Variants in MUC5AC observed in about 807,000 individuals in gnomAD.
The protein encoded by MUC5AC is mucin-5AC.
A neutral mutation model predicts 169.7 loss-of-function variants in MUC5AC; 158 were observed. That is an observed-to-expected ratio of 0.93 (90% confidence interval 0.82 to 1.06). The LOEUF (loss-of-function observed/expected upper bound fraction) is 1.06, where lower values mean the gene tolerates loss of function less well. Among genes scored for constraint, MUC5AC ranks in the 50% least tolerant of loss-of-function variants. The pLI, the probability that MUC5AC is intolerant of heterozygous loss-of-function variation, is 0.00. For missense variants in MUC5AC, 4,359 were observed against 3,089.9 expected, an observed-to-expected ratio of 1.41 and a Z score of -9.74; for synonymous variants, 1,975 against 1,237.0, an observed-to-expected ratio of 1.60 and a Z score of -12.52.
At chr11:1,162,318 G>A in intron 4 of MUC5AC, 150 bp downstream of exon 4, 3 of 1,322,688 alleles carry the variant, frequency 2.3e-6, no homozygotes, top group South Asian at 1.5e-5. Context: ...CTCGTCCCCC[G>A]AGTGGCCCAC....
intron 5 of MUC5AC, 56 bp downstream of exon 5, chr11:1,162,702 G>C: frequency 1.3e-6 from 2 of 1,504,104 alleles, no homozygotes; most frequent in Non-Finnish European, 1.8e-6. Flanking sequence ...GGGCCGGCCT[G>C]CTCCCACAGC....
Position 1,200,797 on chromosome 11 carries a change from G to A in MUC5AC, c.*95G>A, listed in dbSNP as rs1264224380. On this transcript the variant is annotated 3_prime_UTR_variant, in exon 49 of 49. Transcript: ENST00000621226. ...CAGTGGAACTTGTGCCCCTGTCCAG[G>A]CGGCTGCAGCTTTGAACACACTGTC... The A allele has an allele frequency of 1.5e-5, 10 of 660,858 alleles. 1 individual carries two copies. The South Asian group carries it at 1.7e-4, about 11-fold the overall frequency. 40.9% of individuals were successfully genotyped at this position (660,858 alleles called of 1,614,324 possible).
At chr11:1,193,949 G>A (rs1318854630) in intron 33 of MUC5AC, among the ~76,000 whole-genome samples, 161 bp from the exon 34 acceptor site, 2 of 152,218 alleles carry the variant, frequency 1.3e-5, no homozygotes, top group East Asian at 1.9e-4. Flanking sequence ...AGCTCTGTGC[G>A]GACGCTGGCC....
rs1275491912 is a variant in MUC5AC, at chr11:1,189,969, A to G, written c.11824A>G (p.Lys3942Glu). 12 of 765,022 alleles carry G rather than the reference A, an allele frequency of 1.6e-5. No homozygotes were observed. The East Asian group carries it at 1.9e-4, about 12-fold the overall frequency. 47.4% of individuals were successfully genotyped at this position (765,022 alleles called of 1,614,324 possible). ...KTSTSHVSVS[K>E]TTHSQPVTRD... Reference sequence around the variant, plus strand: ...CAGCACAAGCCATGTTTCTGTATCCAAGACAACCCACTCCCAACCAGTCAC... The same window carrying G: ...CAGCACAAGCCATGTTTCTGTATCCGAGACAACCCACTCCCAACCAGTCAC... Residue 3942 changes from lysine (K) to glutamate (E), a missense_variant, in exon 31 of 49, where the codon AAG becomes GAG. Lys to Glu is a moderately conservative substitution (Grantham distance 56, BLOSUM62 1). Transcript: ENST00000621226.
chr11:1,162,018 C>G lies in MUC5AC; in HGVS notation c.323C>G (p.Ser108Cys). ...RFPGLCNYVF[S>C]EHCGAAYEDF... ...CCCGGCCTCTGCAACTACGTGTTCTCCGAGCACTGCGGTGCCGCCTACGAG... is the reference window on the plus strand; with the variant it reads ...CCCGGCCTCTGCAACTACGTGTTCTGCGAGCACTGCGGTGCCGCCTACGAG... Residue 108 changes from serine to cysteine, a missense_variant, in exon 4 of 49, where the codon TCC (serine) becomes TGC (cysteine). Coordinates refer to ENST00000621226, the MANE Select transcript of MUC5AC (RefSeq NM_001304359.2). 1 of 1,612,584 alleles carries G rather than the reference C, an allele frequency of 6.2e-7. No individual in the cohort carries two copies. The highest frequency in any genetic ancestry group is 8.5e-7 in the Non-Finnish European group (1 of 1,179,772).
At chr11:1,199,795 C>A in intron 47 of MUC5AC, 31 bp downstream of exon 47, 1 of 727,452 alleles carries the variant, frequency 1.4e-6, no homozygotes, top group Admixed American at 1.9e-5. Context: ...GCGGGGCGGG[C>A]TCCACCCTCA....
chr11:1,158,129 C>T (rs1206645232), intron 1 of MUC5AC, 57 bp downstream of exon 1: 2 of 1,459,762 alleles, frequency 1.4e-6, no homozygotes, highest in Non-Finnish European at 9.3e-7. Flanking sequence ...ACTGAGTGGG[C>T]CTCAGGCAGC....
rs1408317125 is a variant in MUC5AC at position 1,186,728 on chromosome 11, C to T, written c.8583C>T (p.Thr2861=). The T allele has an allele frequency of 1.4e-6, 1 of 730,700 alleles. No individual in the cohort carries two copies. The highest frequency in any genetic ancestry group is 1.9e-5 in the Admixed American group (1 of 53,490). The allele number at this position is 730,700 out of a possible 1,614,324, so 45.3% of individuals were successfully genotyped here. Residue 2861 remains threonine (T), a synonymous_variant, in exon 31 of 49, where the codon ACC becomes ACT. Transcript: ENST00000621226. ...CCTCTGCCCCTACAACCAGAACAAC[C>T]TCTGTCCCTACAAGCAGCACAACCT... ...STTSAPTTRT[T]SVPTSSTTST...
chr11:1,186,414 A>G lies in MUC5AC; in HGVS notation c.8269A>G (p.Ile2757Val). Residue 2757 changes from isoleucine to valine, a missense_variant, in exon 31 of 49, where the codon ATC (isoleucine) becomes GTC (valine). By Grantham distance (29) the Ile-to-Val change is conservative. Transcript: ENST00000621226. ...AACCTCAGCCCCTACAACCAGCACA[A>G]TCTCTGCCTCTACCACCAGCACAAC... ...RRTSAPTTST[I>V]SASTTSTTSA... is the part of the protein sequence containing the mutation. 3 of 704,076 alleles carry G rather than the reference A, an allele frequency of 4.3e-6. No individual in the cohort carries two copies. In the East Asian group the frequency reaches 8.0e-5, roughly 19 times the overall value. The allele number at this position is 704,076 out of a possible 1,614,324, so 43.6% of individuals were successfully genotyped here.
At chr11:1,158,162 G>T in intron 1 of MUC5AC, 90 bp downstream of exon 1, 1 of 1,248,328 alleles carries the variant, frequency 8.0e-7, no homozygotes, top group Non-Finnish European at 1.1e-6. Context: ...CTGGGTTCCG[G>T]GCAGGCTGCA....
At position 1,192,793 on chromosome 11, in the gene MUC5AC, A is replaced by G. The variant is rs1861157782; in HGVS notation, c.14391A>G (p.Ile4797Met). Residue 4797 changes from isoleucine to methionine, a missense_variant, in exon 32 of 49, where the codon ATA becomes ATG. Coordinates refer to ENST00000621226, the MANE Select transcript of MUC5AC (RefSeq NM_001304359.2). ...CCCTTCCTCTTACAGGATCCACCAT[A>G]TACCGCCACAGAGACCTCGCTGGCC... is the stretch of plus-strand genomic sequence containing the variant. ...ADRLYPAGST[I>M]YRHRDLAGHC... 1.3e-6 allele frequency: 1 copy of G among 759,930 alleles called. No individual in the cohort carries two copies. The highest frequency in any genetic ancestry group is 2.4e-5 in the East Asian group (1 of 41,068). The allele number at this position is 759,930 out of a possible 1,614,324, so 47.1% of individuals were successfully genotyped here.
rs550366320 is a variant in MUC5AC, at chr11:1,196,632, C to T, written c.15741C>T (p.Ala5247=). Residue 5247 remains alanine, a synonymous_variant, in exon 39 of 49, where the codon GCC becomes GCT. Coordinates refer to ENST00000621226, the MANE Select transcript of MUC5AC (RefSeq NM_001304359.2). ...DSASLGALPE[A]GPITEGCFCP... is the part of the protein sequence containing the mutation. ...CTCTCTACAGGGCTCTGCCGGAGGC[C>T]GGCCCCATCACCGAAGGCTGCTTCT... 50 of 762,280 alleles carry T rather than the reference C, an allele frequency of 6.6e-5. No homozygotes were observed. The highest frequency in any genetic ancestry group is 2.3e-4 in the Middle Eastern group (1 of 4,434). The allele number at this position is 762,280 out of a possible 1,614,324, so 47.2% of individuals were successfully genotyped here. A position where few individuals can be genotyped will look rare whatever the true frequency, so the allele number is the denominator to read the frequency against.
rs1242030722 is a variant in MUC5AC, at chr11:1,189,504, C to A, written c.11359C>A (p.Pro3787Thr). The A allele has an allele frequency of 3.4e-6, 2 of 593,966 alleles. No individual in the cohort carries two copies. The highest frequency in any genetic ancestry group is 5.5e-5 in the East Asian group (2 of 36,404). The allele number at this position is 593,966 out of a possible 1,614,324, so 36.8% of individuals were successfully genotyped here. A position where few individuals can be genotyped will look rare whatever the true frequency, so the allele number is the denominator to read the frequency against. The change falls in exon 31 of 49, where the codon CCC becomes ACC. Residue 3787 changes from proline to threonine, a missense_variant. Physicochemically the swap from Pro to Thr is conservative, Grantham distance 38. Transcript: ENST00000621226. The part of the protein sequence containing the change: ...SAPTTSTTSA[P>T]ITSTISAPTT... ...CCCTACAACTAGCACTACCTCTGCT[C>A]CCATAACCAGCACAATCTCTGCCCC... is the stretch of plus-strand genomic sequence containing the variant.
chr11:1,184,498 C>T lies in MUC5AC; in HGVS notation c.6353C>T (p.Pro2118Leu), dbSNP rs1409619062. Reference sequence around the variant, plus strand: ...ACACCAGTCACCAGAAACTGTCATCCCCGGTGCACCTGGACAACGTGGTTC... The same window carrying T: ...ACACCAGTCACCAGAAACTGTCATCTCCGGTGCACCTGGACAACGTGGTTC... ...HTTPVTRNCH[P>L]RCTWTTWFDV... Residue 2118 changes from proline to leucine, a missense_variant, in exon 31 of 49, where the codon CCC becomes CTC. Physicochemically the swap from Pro to Leu is moderately conservative, Grantham distance 98. Coordinates refer to ENST00000621226, the MANE Select transcript of MUC5AC (RefSeq NM_001304359.2). 9.3e-6 allele frequency: 6 copies of T among 645,942 alleles called. No homozygotes were observed. Among genetic ancestry groups the T allele is most frequent in the East Asian group, 2.5e-5 (1 of 39,712 alleles). 40.0% of individuals were successfully genotyped at this position (645,942 alleles called of 1,614,324 possible). A position where few individuals can be genotyped will look rare whatever the true frequency, so the allele number is the denominator to read the frequency against.
intron 19 of MUC5AC, among the ~76,000 whole-genome samples, chr11:1,175,837 G>GCACTCACACCCACTTGTGCAA (rs1554926831): frequency 2.2e-5 from 2 of 91,290 alleles, no homozygotes; most frequent in African/African-American, 5.0e-5. Context: ...TCATGCACAC[G>GCACTCACACCCACTTGTGCAA]CACTCACACA....
chr11:1,176,391 A>G, intron 20 of MUC5AC, 123 bp from the exon 21 acceptor site: 1 of 398,646 alleles, frequency 2.5e-6, no homozygotes. Context: ...ACCCCTGCCC[A>G]TGCGCTCCCG....
rs1195091839 is a variant in MUC5AC, at chr11:1,183,656, T to G, written c.5511T>G (p.Arg1837=). ...PFKMCLNYEV[R]VLCCETPRGC... ...AGATGTGCCTCAACTACGAGGTGCG[T>G]GTGCTCTGCTGCGAGACCCCCAGAG... Residue 1837 remains arginine (R), a synonymous_variant, in exon 31 of 49, where the codon CGT becomes CGG. Transcript: ENST00000621226. 4.7e-6 allele frequency: 3 copies of G among 637,598 alleles called. No homozygotes were observed. Among genetic ancestry groups the G allele is most frequent in the Non-Finnish European group, 8.4e-6 (3 of 357,200 alleles). 39.5% of individuals were successfully genotyped at this position (637,598 alleles called of 1,614,324 possible). A position where few individuals can be genotyped will look rare whatever the true frequency, so the allele number is the denominator to read the frequency against.
intron 20 of MUC5AC, 122 bp from the exon 21 acceptor site, chr11:1,176,392 T>C (rs971201742): frequency 5.0e-6 from 2 of 398,570 alleles, no homozygotes; most frequent in Admixed American, 4.4e-5. Flanking sequence ...CCCCTGCCCA[T>C]GCGCTCCCGG....
At position 1,168,771 on chromosome 11, in the gene MUC5AC, A is replaced by G; in HGVS notation, c.1697A>G (p.Gln566Arg). 1 of 1,600,990 alleles carries G rather than the reference A, an allele frequency of 6.2e-7. No individual in the cohort carries two copies. The highest frequency in any genetic ancestry group is 8.5e-7 in the Non-Finnish European group (1 of 1,171,000). ...FMQLAPKLRG[Q>R]TCGLCGNFNS... ...CAGCTGGCGCCCAAGCTCCGTGGGC[A>G]GACCTGCGGTAAGAGGGCTGCCTTC... The change falls in exon 14 of 49, where the codon CAG (glutamine) becomes CGG (arginine). Residue 566 changes from glutamine to arginine, a missense_variant. By Grantham distance (43) the Gln-to-Arg change is conservative. Transcript: ENST00000621226.
Sources: gnomAD v4.1 joint callset for allele counts (sites outside exome capture counted in the v4.1 genomes callset) on GRCh38, gnomAD v4.1.1 for gene constraint, MANE v1.5 for transcripts, NCBI Gene and HGNC (gene_info 2026-07-23, HGNC 2026-07-21) for gene names.